The following FAT3 variants were observed in gnomAD, a reference collection of about 807,000 sequenced individuals.
The protein encoded by FAT3 is protocadherin Fat 3.
In FAT3, 95 loss-of-function variants were observed where a neutral mutation model predicts 310.2. That is an observed-to-expected ratio of 0.31 (90% CI 0.26 to 0.36). The LOEUF (loss-of-function observed/expected upper bound fraction) is 0.36, where lower values mean the gene tolerates loss of function less well. Among genes scored for constraint, FAT3 ranks in the 10% least tolerant of loss-of-function variants. The probability of loss-of-function intolerance (pLI) is 1.00; values close to 1 mark genes in which losing one functional copy is unlikely to be tolerated. For synonymous variants in FAT3, 2,314 were observed against 2,192.9 expected (o/e 1.06, Z -1.54); for missense variants, 5,408 against 5,715.6 (o/e 0.95, Z 1.74).
chr11:92,319,670 G>C (rs1300305205), intron 1 of FAT3, among the ~76,000 whole-genome samples: 2 of 152,124 alleles, frequency 1.3e-5, no homozygotes, highest in Non-Finnish European at 2.9e-5. Context: ...AATATTACGA[G>C]AATCTGCTTC....
intron 3 of FAT3, among the ~76,000 whole-genome samples, chr11:92,647,417 A>G (rs950838618): frequency 2.0e-5 from 3 of 152,174 alleles, no homozygotes; most frequent in African/African-American, 7.2e-5. Context: ...TGGACACTGG[A>G]TTGAGTCTTT....
At chr11:92,342,279 T>C (rs371901039) in intron 1 of FAT3, among the ~76,000 whole-genome samples, 2 of 152,170 alleles carry the variant, frequency 1.3e-5, no homozygotes, top group African/African-American at 4.8e-5. Flanking sequence ...ATGGCAGCTC[T>C]ACGTATGCCC....
At chr11:92,636,149 G>A (rs565774036) in intron 3 of FAT3, among the ~76,000 whole-genome samples, 20 of 152,168 alleles carry the variant, frequency 1.3e-4, no homozygotes, top group Admixed American at 4.6e-4. Context: ...TTTTAGTAGA[G>A]ATGGAGTTTT....
Position 92,479,509 on chromosome 11 carries a change from G to A in FAT3, c.3293-45125G>A, listed in dbSNP as rs563044802. 1.2e-4 allele frequency among the ~76,000 whole-genome samples: 18 copies of A among 152,204 alleles called. No homozygotes were observed. In the South Asian group the frequency reaches 2.5e-3, roughly 21 times the overall value. On this transcript the variant is annotated intron_variant, in intron 2 of 27. Transcript: ENST00000525166. Reference sequence around the variant, plus strand: ...AACTAAAATTAAGGCTCAATATTACGTGCTGCCTTAAAATCTGATAAAATC... The same window carrying A: ...AACTAAAATTAAGGCTCAATATTACATGCTGCCTTAAAATCTGATAAAATC...
At chr11:92,752,928 CATT>C (rs1452965174) in intron 4 of FAT3, among the ~76,000 whole-genome samples, 2 of 152,174 alleles carry the variant, frequency 1.3e-5, no homozygotes, top group Non-Finnish European at 2.9e-5. Flanking sequence ...AATAAGGACT[CATT>C]ATATATAATA....
At position 92,322,287 on chromosome 11, in the gene FAT3, A is replaced by G. The variant is rs532706143; in HGVS notation, c.-17-29809A>G. Among the ~76,000 whole-genome samples, 8 of 152,328 alleles carry G rather than the reference A, an allele frequency of 5.3e-5. No individual in the cohort carries two copies. The South Asian group carries it at 1.0e-3, about 20-fold the overall frequency. On this transcript the variant is annotated intron_variant, in intron 1 of 27. Coordinates refer to ENST00000525166, the MANE Select transcript of FAT3 (RefSeq NM_001367949.2). ...TAACATTATGCCTTAAAAAATATAC[A>G]TACCTTAATTTAAAAATACTTTATT...
intron 13 of FAT3, among the ~76,000 whole-genome samples, chr11:92,822,014 T>C (rs1373803965): frequency 6.6e-6 from 1 of 150,498 alleles, no homozygotes; most frequent in Non-Finnish European, 1.5e-5. Context: ...GAGCTGGACA[T>C]TTTTTTTTTC....
intron 1 of FAT3, among the ~76,000 whole-genome samples, chr11:92,325,175 C>T (rs1947731393): frequency 6.6e-6 from 1 of 152,204 alleles, no homozygotes; most frequent in Non-Finnish European, 1.5e-5. Context: ...TGACTTGATC[C>T]TTTCTGATTT....
chr11:92,614,322 C>T (rs1277910420), intron 3 of FAT3, among the ~76,000 whole-genome samples: 1 of 152,136 alleles, frequency 6.6e-6, no homozygotes, highest in Non-Finnish European at 1.5e-5. Context: ...AAGTAACTGC[C>T]AGACTATTTT....
At chr11:92,419,542 A>C (rs544711927) in intron 2 of FAT3, among the ~76,000 whole-genome samples, 12 of 152,302 alleles carry the variant, frequency 7.9e-5, no homozygotes, top group African/African-American at 2.4e-4. Flanking sequence ...TACAGAGAAG[A>C]GATAGGGGAG....
intron 2 of FAT3, among the ~76,000 whole-genome samples, chr11:92,468,374 T>A (rs141425094): frequency 2.6e-5 from 4 of 152,232 alleles, no homozygotes; most frequent in African/African-American, 9.6e-5. Context: ...AACATAGTGC[T>A]TAATAAACTT....
chr11:92,346,127 A>C, intron 1 of FAT3, among the ~76,000 whole-genome samples: 1 of 152,164 alleles, frequency 6.6e-6, no homozygotes, highest in Admixed American at 6.5e-5. Flanking sequence ...TTTATTCCCA[A>C]GTATGTCATA....
intron 13 of FAT3, among the ~76,000 whole-genome samples, chr11:92,816,928 AT>A (rs547376071): frequency 5.6e-4 from 85 of 152,242 alleles, no homozygotes; most frequent in Non-Finnish European, 1.1e-3. Flanking sequence ...GTGAGCCGAG[AT>A]CACCCCACTG....
chr11:92,731,417 C>T (rs1223136791), intron 4 of FAT3, among the ~76,000 whole-genome samples: 1 of 151,298 alleles, frequency 6.6e-6, no homozygotes, highest in Non-Finnish European at 1.5e-5. Flanking sequence ...TTCAATACTG[C>T]CCTTGTTGAG....
intron 3 of FAT3, among the ~76,000 whole-genome samples, chr11:92,660,645 T>G (rs1451680178): frequency 6.6e-6 from 1 of 152,182 alleles, no homozygotes; most frequent in Non-Finnish European, 1.5e-5. Context: ...AGAGCTAGTA[T>G]GATGTCAAAA....
At chr11:92,634,348 G>T (rs938560132) in intron 3 of FAT3, among the ~76,000 whole-genome samples, 5 of 152,090 alleles carry the variant, frequency 3.3e-5, no homozygotes, top group Admixed American at 1.3e-4. Context: ...AGAAAAATTT[G>T]TATTGTCAAG....
chr11:92,621,111 C>A (rs1353729782), intron 3 of FAT3, among the ~76,000 whole-genome samples: 1 of 152,148 alleles, frequency 6.6e-6, no homozygotes, highest in African/African-American at 2.4e-5. Flanking sequence ...AACATGCAAT[C>A]CATACAATCA....
intron 3 of FAT3, among the ~76,000 whole-genome samples, chr11:92,649,870 TG>T (rs1366301231): frequency 5.8e-5 from 7 of 119,910 alleles, no homozygotes; most frequent in African/African-American, 2.4e-4. Flanking sequence ...CCACTTTGTA[TG>T]TTCATATATA....
chr11:92,598,399 A>C (rs1388698079), intron 3 of FAT3, among the ~76,000 whole-genome samples: 3 of 151,602 alleles, frequency 2.0e-5, no homozygotes, highest in Non-Finnish European at 4.4e-5. Context: ...CTAATTAACA[A>C]ATTTTTTTAG....
Sources: gnomAD v4.1 joint callset for allele counts (sites outside exome capture counted in the v4.1 genomes callset) on GRCh38, gnomAD v4.1.1 for gene constraint, MANE v1.5 for transcripts, NCBI Gene and HGNC (gene_info 2026-07-23, HGNC 2026-07-21) for gene names.